Variants in ANKHD1 observed in about 807,000 individuals in gnomAD.
The protein encoded by ANKHD1 is ankyrin repeat and KH domain containing 1.
In ANKHD1, 31 loss-of-function variants were observed where a neutral mutation model predicts 230.5. The observed-to-expected ratio is 0.13, with a 90% CI of 0.10 to 0.18. ANKHD1 has a LOEUF of 0.18. ANKHD1 is among the 10% of genes least tolerant of loss of function. The pLI is 1.00. For missense variants in ANKHD1, 2,256 were observed against 3,071.3 expected, an observed-to-expected ratio of 0.73 and a Z score of 6.27; for synonymous variants, 1,074 against 1,117.6, an observed-to-expected ratio of 0.96 and a Z score of 0.78.
At chr5:140,426,234 A>G (rs1037312898) in intron 1 of ANKHD1, among the ~76,000 whole-genome samples, 9 of 152,276 alleles carry the variant, frequency 5.9e-5, no homozygotes, top group East Asian at 1.9e-4. Flanking sequence ...TGCTCAAGCA[A>G]TTCTCCTGCC....
chr5:140,500,967 T>A lies in ANKHD1; in HGVS notation c.3004+3689T>A, dbSNP rs1354471143. Among the ~76,000 whole-genome samples, 3 of 152,244 alleles carry A rather than the reference T, an allele frequency of 2.0e-5. No homozygotes were observed. In the East Asian group the frequency reaches 5.8e-4, roughly 29 times the overall value. ...GCTCTTAAATTGTAATTTTAAAGTA[T>A]CTTTAACTCTGTAGTAGTGAATATA... On this transcript the variant is annotated intron_variant, in intron 15 of 33. Transcript: ENST00000360839.
At position 140,527,577 on chromosome 5, in the gene ANKHD1, G is replaced by A. The variant is rs1248660059; in HGVS notation, c.5088-296G>A. The stretch of plus-strand genomic sequence containing the variant: ...AGTTTAGTTGATGTGTAATATTTTG[G>A]GCAGATTTGAATGCTTATATTGTGA... On this transcript the variant is annotated intron_variant, in intron 27 of 33. Coordinates refer to ENST00000360839, the MANE Select transcript of ANKHD1 (RefSeq NM_017747.3). The surrounding 1 kb of genome is among the most constrained non-coding windows in gnomAD (Gnocchi z 4.5). The A allele has an allele frequency of 8.2e-6, 2 of 244,490 alleles. No homozygotes were observed. Among genetic ancestry groups the A allele is most frequent in the African/African-American group, 4.6e-5 (2 of 43,636 alleles). The allele number at this position is 244,490 out of a possible 1,614,324, so 15.1% of individuals were successfully genotyped here.
chr5:140,533,640 G>A (rs1386863790), intron 29 of ANKHD1, among the ~76,000 whole-genome samples: 2 of 151,688 alleles, frequency 1.3e-5, no homozygotes, highest in African/African-American at 4.8e-5. Context: ...TCAGTGTGGT[G>A]GTACACGCTT....
chr5:140,404,415 T>C (rs1217962913), intron 1 of ANKHD1, among the ~76,000 whole-genome samples: 2 of 151,996 alleles, frequency 1.3e-5, no homozygotes, highest in East Asian at 3.9e-4. Flanking sequence ...TGCCTTTTTT[T>C]TTAATTTTAA....
At chr5:140,487,169 G>A in intron 14 of ANKHD1, 109 bp downstream of exon 14, 3 of 1,159,162 alleles carry the variant, frequency 2.6e-6, no homozygotes, top group Non-Finnish European at 3.4e-6. Flanking sequence ...GGCTAATTGA[G>A]GTAGATAATT....
At position 140,513,008 on chromosome 5, in the gene ANKHD1, A is replaced by G. The variant is rs1223998535; in HGVS notation, c.4200+85A>G. The G allele has an allele frequency of 3.8e-6, 5 of 1,332,462 alleles. No homozygotes were observed. The East Asian group carries it at 1.2e-4, about 33-fold the overall frequency. 82.5% of individuals were successfully genotyped at this position (1,332,462 alleles called of 1,614,324 possible). A position where few individuals can be genotyped will look rare whatever the true frequency, so the allele number is the denominator to read the frequency against. On this transcript the variant is annotated intron_variant, in intron 23 of 33. Transcript: ENST00000360839. ...GTGCAGTTAGGAACTTGTTCTTTTT[A>G]TATTCTGAAAGGTTGGTCACCTGAT...
At chr5:140,458,587 A>T in intron 7 of ANKHD1, 38 bp from the exon 8 acceptor site, 1 of 1,560,154 alleles carries the variant, frequency 6.4e-7, no homozygotes, top group Non-Finnish European at 8.7e-7. Flanking sequence ...AAAACAAAAA[A>T]TTTCTCTCCT....
At chr5:140,539,257 T>A (rs1392320789) in intron 33 of ANKHD1, 102 bp from the exon 34 acceptor site, 1 of 1,584,714 alleles carries the variant, frequency 6.3e-7, no homozygotes. Flanking sequence ...TGTGTATTCT[T>A]CCTAGGCAGA....
chr5:140,536,102 G>A (rs1754057714), intron 30 of ANKHD1, among the ~76,000 whole-genome samples: 1 of 151,950 alleles, frequency 6.6e-6, no homozygotes, highest in Non-Finnish European at 1.5e-5. Context: ...TTGATTGATT[G>A]ATTGATTGAG....
At chr5:140,463,936 G>A (rs1775900736) in intron 9 of ANKHD1, among the ~76,000 whole-genome samples, 1 of 152,006 alleles carries the variant, frequency 6.6e-6, no homozygotes, top group African/African-American at 2.4e-5. Context: ...GCCTCCCAAA[G>A]TGCAAGGGTT....
At position 140,527,804 on chromosome 5, in the gene ANKHD1, TA is replaced by T; in HGVS notation, c.5088-68del. On this transcript the variant is annotated intron_variant, in intron 27 of 33. Transcript: ENST00000360839. The surrounding 1 kb of genome is among the most constrained non-coding windows in gnomAD (Gnocchi z 4.5). ...TCTCCAAAATGTCCATGAACATACT[TA>T]CTAAGACATCTTTCTTAATAAAGAG... The T allele has an allele frequency of 6.6e-7, 1 of 1,508,414 alleles. No individual in the cohort carries two copies. Among genetic ancestry groups the T allele is most frequent in the East Asian group, 2.4e-5 (1 of 41,970 alleles). The allele number at this position is 1,508,414 out of a possible 1,614,324, so 93.4% of individuals were successfully genotyped here.
Position 140,458,643 on chromosome 5 carries a change from G to C in ANKHD1, c.1261G>C (p.Ala421Pro). ...TCTGCAGGATGGACATGTAGAGGTG[G>C]CACGTTTGCTTTTGGATAGTGGTGC... Reference protein sequence around the residue: ...EACMDGHVEVARLLLDSGAQV... With the variant: ...EACMDGHVEVPRLLLDSGAQV... The change falls in exon 8 of 34, where the codon GCA (alanine) becomes CCA (proline). Residue 421 changes from alanine (A) to proline (P), a missense_variant. By Grantham distance (27) the Ala-to-Pro change is conservative (BLOSUM62 -1). This residue lies in a region of ANKHD1 where 179 missense variants were observed against 261.8 expected (regional missense o/e 0.68). Coordinates refer to ENST00000360839, the MANE Select transcript of ANKHD1 (RefSeq NM_017747.3). The C allele has an allele frequency of 1.3e-6, 2 of 1,591,112 alleles. No individual in the cohort carries two copies. The highest frequency in any genetic ancestry group is 1.7e-6 in the Non-Finnish European group (2 of 1,165,572).
rs776954101 is a variant in ANKHD1 at position 140,506,165 on chromosome 5, A to G, written c.3408+296A>G. On this transcript the variant is annotated intron_variant, in intron 18 of 33. Transcript: ENST00000360839. This position sits in a 1 kb window ranked among gnomAD's most constrained non-coding sequence, Gnocchi z 4.7. ...GATTTCAAACTCCTGGCCTCAAGCA[A>G]TCCTCTCTCCTCGGCCTCCCAAAGT... Among the ~76,000 whole-genome samples, 31 of 152,290 alleles carry G rather than the reference A, an allele frequency of 2.0e-4. No homozygotes were observed. Among genetic ancestry groups the G allele is most frequent in the Non-Finnish European group, 3.7e-4 (25 of 68,028 alleles).
chr5:140,468,390 C>CT (rs1263277110), intron 10 of ANKHD1, among the ~76,000 whole-genome samples: 1 of 151,936 alleles, frequency 6.6e-6, no homozygotes, highest in Non-Finnish European at 1.5e-5. Flanking sequence ...ACTGAGTGAA[C>CT]TATATTGGGC....
chr5:140,508,919 G>A (rs935452213), intron 20 of ANKHD1, among the ~76,000 whole-genome samples: 1 of 152,090 alleles, frequency 6.6e-6, no homozygotes, highest in Non-Finnish European at 1.5e-5. Context: ...CTGGAAAGAC[G>A]TAGGTTGGGT....
chr5:140,494,362 T>G (rs1041207363), intron 14 of ANKHD1, among the ~76,000 whole-genome samples: 1 of 152,144 alleles, frequency 6.6e-6, no homozygotes, highest in Admixed American at 6.5e-5. Context: ...AAATATAAAT[T>G]GAGGAAGGCT....
chr5:140,512,815 G>A lies in ANKHD1; in HGVS notation c.4105-13G>A. 3 of 1,575,240 alleles carry A rather than the reference G, an allele frequency of 1.9e-6. No homozygotes were observed. Among genetic ancestry groups the A allele is most frequent in the Non-Finnish European group, 2.6e-6 (3 of 1,165,714 alleles). On this transcript the variant is annotated splice_polypyrimidine_tract_variant and intron_variant, in intron 22 of 33. Coordinates refer to ENST00000360839, the MANE Select transcript of ANKHD1 (RefSeq NM_017747.3). The stretch of plus-strand genomic sequence containing the variant: ...TCATGCTACCTTGTCTAAGATTGTT[G>A]TACTTCTTATAGGGTCATGTAAAAG...
intron 13 of ANKHD1, 184 bp from the exon 14 acceptor site, chr5:140,486,774 G>T (rs969861707): frequency 9.0e-6 from 4 of 444,570 alleles, no homozygotes; most frequent in Non-Finnish European, 1.6e-5. Context: ...TAGATTCCCC[G>T]ACTGTCTAAT....
chr5:140,538,094 T>G lies in ANKHD1; in HGVS notation c.7237T>G (p.Ser2413Ala). Residue 2413 changes from serine (S) to alanine (A), a missense_variant, in exon 32 of 34, where the codon TCA becomes GCA. Coordinates refer to ENST00000360839, the MANE Select transcript of ANKHD1 (RefSeq NM_017747.3). ...TCAATTATTCTTTCCAGAAGGCTTA[T>G]CAGGTTGGTCGCAATCTGTGATGGG... is the stretch of plus-strand genomic sequence containing the variant. The part of the protein sequence containing the change: ...FGVNAVSEGL[S>A]GWSQSVMGNH... 1 of 1,609,726 alleles carries G rather than the reference T, an allele frequency of 6.2e-7. No individual in the cohort carries two copies. Among genetic ancestry groups the G allele is most frequent in the Non-Finnish European group, 8.5e-7 (1 of 1,178,448 alleles).
Sources: gnomAD v4.1 joint callset for allele counts (sites outside exome capture counted in the v4.1 genomes callset) on GRCh38, gnomAD v4.1.1 for gene constraint, gnomAD v4.1.1 regional missense constraint, Gnocchi (gnomAD v3.1) non-coding constraint, MANE v1.5 for transcripts, NCBI Gene and HGNC (gene_info 2026-07-23, HGNC 2026-07-21) for gene names.